CATSPERE: variants seen among roughly 807,000 people sequenced by gnomAD.
CATSPERE encodes cation channel sperm-associated auxiliary subunit epsilon.
CATSPERE carries 93 observed loss-of-function variants against 114.1 expected under a neutral mutation model. The ratio of observed to expected loss-of-function variants is 0.81; its 90% CI spans 0.69 to 0.97. The LOEUF (loss-of-function observed/expected upper bound fraction) is 0.97, where lower values mean the gene tolerates loss of function less well. Among genes scored for constraint, CATSPERE ranks in the 50% least tolerant of loss-of-function variants. CATSPERE has a pLI of 0.00. For missense variants in CATSPERE, 1,058 were observed against 1,131.6 expected, an observed-to-expected ratio of 0.93 and a Z score of 0.93; for synonymous variants, 341 against 384.1, an observed-to-expected ratio of 0.89 and a Z score of 1.31.
intron 10 of CATSPERE, among the ~76,000 whole-genome samples, chr1:244,570,238 C>G (rs183835808): frequency 2.6e-5 from 4 of 152,138 alleles, no homozygotes; most frequent in Admixed American, 1.3e-4. Flanking sequence ...CAAAAGTAGG[C>G]TATTTTAACT....
chr1:244,632,024 T>C (rs1674010024), intron 20 of CATSPERE, among the ~76,000 whole-genome samples: 1 of 152,154 alleles, frequency 6.6e-6, no homozygotes, highest in African/African-American at 2.4e-5. Context: ...GCTGTGATGG[T>C]GCCACTGCAC....
At chr1:244,577,903 A>T (rs1665532108) in intron 11 of CATSPERE, among the ~76,000 whole-genome samples, 1 of 152,212 alleles carries the variant, frequency 6.6e-6, no homozygotes, top group Admixed American at 6.5e-5. Context: ...AAGGATACAA[A>T]CATAGTTGTT....
upstream of CATSPERE, chr1:244,451,742 C>T: frequency 1.2e-6 from 2 of 1,605,646 alleles, no homozygotes; most frequent in Non-Finnish European, 1.7e-6. This position sits in a 1 kb window ranked among gnomAD's most constrained non-coding sequence, Gnocchi z 6.6. Flanking sequence ...CGGTTTCCTC[C>T]GGGCCGCGCC....
chr1:244,626,008 T>C (rs1253710114), intron 20 of CATSPERE, among the ~76,000 whole-genome samples: 1 of 152,182 alleles, frequency 6.6e-6, no homozygotes, highest in African/African-American at 2.4e-5. Context: ...AGCTTTGTTA[T>C]TCCACTTATA....
chr1:244,560,637 A>C, intron 9 of CATSPERE, 31 bp from the exon 10 acceptor site: 1 of 1,279,372 alleles, frequency 7.8e-7, no homozygotes, highest in Non-Finnish European at 1.0e-6. Context: ...AAAATCGAAG[A>C]TCTTTCTCAT....
chr1:244,572,828 A>ATTTACAAAAATG, intron 11 of CATSPERE, 56 bp downstream of exon 11: 1 of 1,179,518 alleles, frequency 8.5e-7, no homozygotes, highest in Non-Finnish European at 1.1e-6. Flanking sequence ...AAAGTATAAT[A>ATTTACAAAAATG]TTAACATTTT....
chr1:244,585,849 C>T (rs1360967273), intron 13 of CATSPERE, among the ~76,000 whole-genome samples: 1 of 152,196 alleles, frequency 6.6e-6, no homozygotes, highest in Non-Finnish European at 1.5e-5. Context: ...AACCATGCAC[C>T]AAGAACTGGA....
chr1:244,491,155 C>T (rs1672073035), intron 6 of CATSPERE, among the ~76,000 whole-genome samples: 1 of 151,892 alleles, frequency 6.6e-6, no homozygotes, highest in Non-Finnish European at 1.5e-5. Flanking sequence ...TTTTTCAGCA[C>T]CACACCACAC....
intron 14 of CATSPERE, among the ~76,000 whole-genome samples, chr1:244,590,286 C>T (rs1352043343): frequency 6.6e-6 from 1 of 152,164 alleles, no homozygotes; most frequent in Non-Finnish European, 1.5e-5. Context: ...CTTACCTGCA[C>T]AATAGTAGCA....
At chr1:244,559,196 G>A (rs1662165798) in intron 9 of CATSPERE, among the ~76,000 whole-genome samples, 1 of 152,198 alleles carries the variant, frequency 6.6e-6, no homozygotes, top group Non-Finnish European at 1.5e-5. Context: ...ACAAGAATGA[G>A]AATGGCTGTG....
chr1:244,554,669 T>C (rs1024803218), intron 9 of CATSPERE, among the ~76,000 whole-genome samples: 2 of 152,254 alleles, frequency 1.3e-5, no homozygotes, highest in Non-Finnish European at 2.9e-5. Flanking sequence ...TGGCCATTTG[T>C]ATATCTTTTG....
chr1:244,516,335 TTTTG>T (rs57682756), intron 7 of CATSPERE, among the ~76,000 whole-genome samples: 9 of 151,112 alleles, frequency 6.0e-5, no homozygotes, highest in East Asian at 3.9e-4. Context: ...ATCAAGAGAG[TTTTG>T]TTTGTTTGTT....
intron 17 of CATSPERE, among the ~76,000 whole-genome samples, chr1:244,597,822 G>A (rs1313270113): frequency 6.6e-6 from 1 of 152,174 alleles, no homozygotes; most frequent in African/African-American, 2.4e-5. Flanking sequence ...AAGGTGACAA[G>A]TGTCATCTAT....
intron 20 of CATSPERE, among the ~76,000 whole-genome samples, chr1:244,629,630 G>A (rs890284716): frequency 1.4e-5 from 2 of 147,542 alleles, no homozygotes; most frequent in Non-Finnish European, 3.0e-5. Context: ...CAGCAGGCTT[G>A]GCATTGTCTC....
At chr1:244,530,837 T>C (rs1266332217) in intron 8 of CATSPERE, among the ~76,000 whole-genome samples, 1 of 152,208 alleles carries the variant, frequency 6.6e-6, no homozygotes, top group Non-Finnish European at 1.5e-5. Context: ...ATAGAAATGC[T>C]ACTGATTTTT....
intron 2 of CATSPERE, among the ~76,000 whole-genome samples, chr1:244,471,828 C>G (rs1269433015): frequency 1.3e-5 from 2 of 152,196 alleles, no homozygotes; most frequent in African/African-American, 4.8e-5. Flanking sequence ...TCAGATGAAA[C>G]TGCTGTGGAC....
At chr1:244,603,906 T>A (rs1248066465) in intron 17 of CATSPERE, among the ~76,000 whole-genome samples, 1 of 152,114 alleles carries the variant, frequency 6.6e-6, no homozygotes, top group Non-Finnish European at 1.5e-5. Context: ...GTTAGGAGGA[T>A]CCCTTGAGCC....
rs75743915 is a variant in CATSPERE at position 244,536,604 on chromosome 1, G to A, written c.537-15718G>A. ...CTGTCTCCCCAAAGCACACAGATTC[G>A]TTGTCTGCACTATGCAGCCACTACC... On this transcript the variant is annotated intron_variant, in intron 8 of 21. Transcript: ENST00000366534. 2.9e-4 allele frequency among the ~76,000 whole-genome samples: 44 copies of A among 152,234 alleles called. No homozygotes were observed. In the East Asian group the frequency reaches 7.9e-3, roughly 27 times the overall value.
rs1671548355 is a variant in CATSPERE at position 244,617,508 on chromosome 1, TTG to T, written c.2491-19_2491-18del. On this transcript the variant is annotated intron_variant, in intron 19 of 21. Transcript: ENST00000366534. ...AAGTCATAAAATGACCTTAAAATTT[TTG>T]TCTTTGTTTCTTGTTCAGAACTATA... The T allele has an allele frequency of 3.4e-6, 5 of 1,475,454 alleles. No individual in the cohort carries two copies. The highest frequency in any genetic ancestry group is 4.5e-6 in the Non-Finnish European group (5 of 1,117,042). 91.4% of individuals were successfully genotyped at this position (1,475,454 alleles called of 1,614,324 possible).
Sources: gnomAD v4.1 joint callset for allele counts (sites outside exome capture counted in the v4.1 genomes callset) on GRCh38, gnomAD v4.1.1 for gene constraint, Gnocchi (gnomAD v3.1) non-coding constraint, MANE v1.5 for transcripts, NCBI Gene and HGNC (gene_info 2026-07-23, HGNC 2026-07-21) for gene names.